ARHGAP15: variants seen among roughly 807,000 people sequenced by gnomAD.
ARHGAP15 encodes the protein Rho GTPase activating protein 15.
ARHGAP15 carries 51 observed loss-of-function variants against 63.7 expected under a neutral mutation model. The observed-to-expected ratio is 0.80, with a 90% CI of 0.64 to 1.01. The LOEUF is 1.01. ARHGAP15 is among the 50% of genes least tolerant of loss of function. The probability of loss-of-function intolerance (pLI) is 0.00; values close to 1 mark genes in which losing one functional copy is unlikely to be tolerated. For missense variants in ARHGAP15, 560 were observed against 564.6 expected (o/e 0.99, Z 0.08); for synonymous variants, 191 against 193.8 (o/e 0.99, Z 0.12).
intron 11 of ARHGAP15, chr2:143,607,404 C>G (rs1228147183): frequency 6.6e-6 from 1 of 152,148 alleles, no homozygotes; most frequent in Admixed American, 6.5e-5. Context: ...TATGAGTTTG[C>G]AAACATCAAT....
chr2:143,738,282 T>C (rs1685832618), intron 13 of ARHGAP15, among the ~76,000 whole-genome samples: 2 of 152,092 alleles, frequency 1.3e-5, no homozygotes, highest in Admixed American at 1.3e-4. Context: ...GAGTAGCAAA[T>C]AAGCTATCAT....
rs141721394 is a variant in ARHGAP15 at position 143,179,596 on chromosome 2, A to G, written c.166-22538A>G. Among the ~76,000 whole-genome samples the G allele has an allele frequency of 9.6e-4, 146 of 152,324 alleles. 1 individual carries two copies. The highest frequency in any genetic ancestry group is 3.4e-3 in the African/African-American group (143 of 41,574). On this transcript the variant is annotated intron_variant, in intron 2 of 13. Coordinates refer to ENST00000295095, the MANE Select transcript of ARHGAP15 (RefSeq NM_018460.4). ...AGAGAGCAATATCATTTTGTATAAAAAACAATATGAGCCAAGCGTGATGGC... is the reference window on the plus strand; with the variant it reads ...AGAGAGCAATATCATTTTGTATAAAGAACAATATGAGCCAAGCGTGATGGC...
intron 6 of ARHGAP15, among the ~76,000 whole-genome samples, chr2:143,383,160 A>G (rs571111573): frequency 3.3e-5 from 5 of 152,346 alleles, no homozygotes; most frequent in Admixed American, 6.5e-5. Context: ...CTTTTAAATT[A>G]TACTAGGGAT....
intron 10 of ARHGAP15, among the ~76,000 whole-genome samples, chr2:143,545,912 G>T (rs769622023): frequency 6.6e-6 from 1 of 152,278 alleles, no homozygotes; most frequent in South Asian, 2.1e-4. Flanking sequence ...CACTGAAAAT[G>T]TTCGCTTTTC....
chr2:143,468,659 AGAGAGTGTGT>A (rs1354963771), intron 8 of ARHGAP15, among the ~76,000 whole-genome samples: 29 of 109,864 alleles, frequency 2.6e-4, no homozygotes, highest in African/African-American at 9.8e-4. Context: ...AGAGAGAGAG[AGAGAGTGTGT>A]GTGTGTGTGT....
intron 11 of ARHGAP15, among the ~76,000 whole-genome samples, chr2:143,597,022 T>C (rs1216862855): frequency 6.6e-6 from 1 of 152,118 alleles, no homozygotes; most frequent in Non-Finnish European, 1.5e-5. Context: ...TTTTAAATGA[T>C]CTCAAAGTTG....
chr2:143,520,503 A>C (rs2104986547), intron 10 of ARHGAP15, among the ~76,000 whole-genome samples: 1 of 152,264 alleles, frequency 6.6e-6, no homozygotes, highest in South Asian at 2.1e-4. Flanking sequence ...ATATCAACAC[A>C]TCAGAGAGAA....
At chr2:143,138,291 T>C (rs951817400) in intron 1 of ARHGAP15, among the ~76,000 whole-genome samples, 1 of 152,086 alleles carries the variant, frequency 6.6e-6, no homozygotes, top group Non-Finnish European at 1.5e-5. Context: ...AGATTAAATA[T>C]GCAAATTTAC....
intron 13 of ARHGAP15, among the ~76,000 whole-genome samples, chr2:143,761,120 T>C (rs1225689134): frequency 1.3e-5 from 2 of 150,996 alleles, no homozygotes; most frequent in East Asian, 3.9e-4. Context: ...TTGTGCAAAT[T>C]GAGGGTAGGC....
intron 13 of ARHGAP15, among the ~76,000 whole-genome samples, chr2:143,735,463 G>C (rs940044287): frequency 6.6e-6 from 1 of 152,144 alleles, no homozygotes; most frequent in African/African-American, 2.4e-5. Flanking sequence ...CTTTCTCCCT[G>C]GTAGCAAGAT....
intron 6 of ARHGAP15, among the ~76,000 whole-genome samples, chr2:143,402,121 C>G (rs1013203837): frequency 6.6e-6 from 1 of 151,978 alleles, no homozygotes; most frequent in South Asian, 2.1e-4. Context: ...GATTTACTGT[C>G]ACGATCACAA....
chr2:143,318,200 G>C (rs564710817), intron 6 of ARHGAP15, among the ~76,000 whole-genome samples: 2 of 151,796 alleles, frequency 1.3e-5, no homozygotes, highest in East Asian at 3.9e-4. Flanking sequence ...TAGAGACAGG[G>C]TTTCACCATG....
intron 3 of ARHGAP15, among the ~76,000 whole-genome samples, chr2:143,215,062 G>A (rs1049233074): frequency 1.3e-5 from 2 of 152,190 alleles, no homozygotes; most frequent in Non-Finnish European, 2.9e-5. Flanking sequence ...GGTGTGAAAG[G>A]TACAGTTTTT....
At chr2:143,391,864 T>C (rs1360911792) in intron 6 of ARHGAP15, among the ~76,000 whole-genome samples, 1 of 152,158 alleles carries the variant, frequency 6.6e-6, no homozygotes, top group Non-Finnish European at 1.5e-5. Flanking sequence ...ATTTCAAAAA[T>C]GATTACTACA....
intron 11 of ARHGAP15, among the ~76,000 whole-genome samples, chr2:143,615,167 A>G (rs1173444462): frequency 6.6e-6 from 1 of 152,214 alleles, no homozygotes; most frequent in Non-Finnish European, 1.5e-5. Flanking sequence ...ATTATCATTA[A>G]TAATTACTAG....
chr2:143,148,093 T>G (rs1380913105), intron 1 of ARHGAP15, among the ~76,000 whole-genome samples: 1 of 152,024 alleles, frequency 6.6e-6, no homozygotes, highest in African/African-American at 2.4e-5. Flanking sequence ...CTTTCCCACT[T>G]AGCCACCAAC....
At chr2:143,274,864 G>A (rs564321691) in intron 6 of ARHGAP15, among the ~76,000 whole-genome samples, 21 of 152,134 alleles carry the variant, frequency 1.4e-4, no homozygotes, top group African/African-American at 3.9e-4. Flanking sequence ...TAAAATTCCC[G>A]AATCAAACTC....
intron 9 of ARHGAP15, among the ~76,000 whole-genome samples, chr2:143,487,720 C>T (rs1017713419): frequency 6.6e-6 from 1 of 151,940 alleles, no homozygotes; most frequent in Non-Finnish European, 1.5e-5. Context: ...CTAGTTTTGC[C>T]CACAGAGGAT....
chr2:143,637,389 A>T (rs1218415476), intron 12 of ARHGAP15, among the ~76,000 whole-genome samples: 1 of 152,074 alleles, frequency 6.6e-6, no homozygotes, highest in Non-Finnish European at 1.5e-5. Flanking sequence ...TCTCTCAGAT[A>T]AGTTTGTACA....
Sources: allele counts gnomAD v4.1 joint callset (sites outside exome capture counted in the v4.1 genomes callset), GRCh38; gene constraint gnomAD v4.1.1; transcripts MANE v1.5; gene names NCBI Gene and HGNC (gene_info 2026-07-23, HGNC 2026-07-21).